Variants in CSMD1 observed in about 807,000 individuals in gnomAD.
The protein encoded by CSMD1 is CUB and Sushi multiple domains 1.
In CSMD1, 213 loss-of-function variants were observed where a neutral mutation model predicts 417.5. That is an observed-to-expected ratio of 0.51 (90% confidence interval 0.46 to 0.57). The LOEUF (loss-of-function observed/expected upper bound fraction) is 0.57, where lower values mean the gene tolerates loss of function less well. Ranked by LOEUF, CSMD1 falls within the 20% of genes least tolerant of loss-of-function variation. The pLI, the probability that CSMD1 is intolerant of heterozygous loss-of-function variation, is 0.00. For missense variants in CSMD1, 6,923 were observed against 4,529.7 expected (o/e 1.53, Z -15.17); for synonymous variants, 2,862 against 1,736.8 (o/e 1.65, Z -16.11).
At position 4,796,100 on chromosome 8, in the gene CSMD1, C is replaced by A. The variant is rs1797966375; in HGVS notation, c.86-158542G>T. 2.6e-5 allele frequency among the ~76,000 whole-genome samples: 4 copies of A among 152,192 alleles called. No homozygotes were observed. In the South Asian group the frequency reaches 8.3e-4, roughly 32 times the overall value. ...AAGACAAGTAAATGTTCTTATTCCA[C>A]AAGGAGTTTACTGTCTGTGGAGAGA... is the stretch of plus-strand genomic sequence containing the variant. On this transcript the variant is annotated intron_variant, in intron 1 of 69. Coordinates refer to ENST00000635120, the MANE Select transcript of CSMD1 (RefSeq NM_033225.6).
chr8:4,244,591 G>A (rs1279582911), intron 3 of CSMD1, among the ~76,000 whole-genome samples: 1 of 151,612 alleles, frequency 6.6e-6, no homozygotes, highest in African/African-American at 2.4e-5. Context: ...AACTATTGTA[G>A]ATCTGTCTCC....
Position 4,229,696 on chromosome 8 carries a change from C to G in CSMD1, c.415+190257G>C, listed in dbSNP as rs373655074. Among the ~76,000 whole-genome samples the G allele has an allele frequency of 7.9e-5, 12 of 152,292 alleles. 1 individual carries two copies. In the South Asian group the frequency reaches 2.5e-3, roughly 32 times the overall value. The stretch of plus-strand genomic sequence containing the variant: ...TCGTTCTCACCATCTGATGTACAGC[C>G]TCAGCCCCTTCCTCTTGCTTGACCC... On this transcript the variant is annotated intron_variant, in intron 3 of 69. Coordinates refer to ENST00000635120, the MANE Select transcript of CSMD1 (RefSeq NM_033225.6).
chr8:4,117,768 C>T (rs943536663), intron 3 of CSMD1, among the ~76,000 whole-genome samples: 1 of 152,064 alleles, frequency 6.6e-6, no homozygotes, highest in East Asian at 1.9e-4. Context: ...CAGAAACACA[C>T]CAGGCCCATT....
intron 5 of CSMD1, among the ~76,000 whole-genome samples, chr8:3,882,498 C>G (rs995179183): frequency 6.6e-6 from 1 of 152,002 alleles, no homozygotes; most frequent in African/African-American, 2.4e-5. Context: ...CTATTAGACT[C>G]TCTCTGCCTC....
intron 1 of CSMD1, among the ~76,000 whole-genome samples, chr8:4,756,223 C>T (rs1002719135): frequency 2.0e-5 from 3 of 152,072 alleles, no homozygotes; most frequent in African/African-American, 7.2e-5. Flanking sequence ...TAATATAGGG[C>T]ATCATGATGA....
At chr8:4,198,370 G>C (rs767993548) in intron 3 of CSMD1, among the ~76,000 whole-genome samples, 2 of 152,202 alleles carry the variant, frequency 1.3e-5, no homozygotes, top group East Asian at 3.9e-4. Flanking sequence ...CCTGAACTTT[G>C]TCCTACACTG....
intron 5 of CSMD1, among the ~76,000 whole-genome samples, chr8:3,855,788 G>C (rs972273376): frequency 1.3e-5 from 2 of 152,130 alleles, no homozygotes; most frequent in Non-Finnish European, 2.9e-5. Flanking sequence ...GTAAAGACAA[G>C]CTTTCTGTAG....
intron 1 of CSMD1, among the ~76,000 whole-genome samples, chr8:4,937,807 A>G (rs139122792): frequency 6.7e-6 from 1 of 148,736 alleles, no homozygotes; most frequent in Non-Finnish European, 1.5e-5. Context: ...CACACACACA[A>G]CTACAAAGTG....
At chr8:3,170,494 C>T (rs1820519798) in intron 37 of CSMD1, among the ~76,000 whole-genome samples, 2 of 152,222 alleles carry the variant, frequency 1.3e-5, no homozygotes, top group Admixed American at 1.3e-4. Flanking sequence ...AGGCGTGAGC[C>T]ACCGTGCCCG....
Position 4,971,701 on chromosome 8 carries a change from A to G in CSMD1, c.85+22631T>C, listed in dbSNP as rs539635271. Among the ~76,000 whole-genome samples, 31 of 151,550 alleles carry G rather than the reference A, an allele frequency of 2.0e-4. No individual in the cohort carries two copies. In the East Asian group the frequency reaches 5.4e-3, roughly 26 times the overall value. On this transcript the variant is annotated intron_variant, in intron 1 of 69. Transcript: ENST00000635120. ...GAACTATTCTGAAATATATATATAT[A>G]TATATAATTTGCTTCTATGATTACA...
At chr8:3,062,105 A>G (rs1354626673) in intron 49 of CSMD1, among the ~76,000 whole-genome samples, 1 of 152,210 alleles carries the variant, frequency 6.6e-6, no homozygotes, top group Non-Finnish European at 1.5e-5. Flanking sequence ...TGAAAATACA[A>G]AGGCCACATT....
intron 18 of CSMD1, among the ~76,000 whole-genome samples, chr8:3,370,831 C>T (rs1159312767): frequency 6.6e-6 from 1 of 152,066 alleles, no homozygotes; most frequent in Non-Finnish European, 1.5e-5. Context: ...AAATTATTAG[C>T]CAGGCATAGT....
Position 3,892,378 on chromosome 8 carries a change from T to G in CSMD1, c.818+105525A>C, listed in dbSNP as rs115969620. 1.7e-3 allele frequency among the ~76,000 whole-genome samples: 256 copies of G among 152,216 alleles called. 2 individuals carry two copies. The highest frequency in any genetic ancestry group is 5.8e-3 in the African/African-American group (240 of 41,544). ...TGGGGAACGTATTATGCTTTCTATGTGTTATCCTTTACCTACACAGATCAT... is the reference window on the plus strand; with the variant it reads ...TGGGGAACGTATTATGCTTTCTATGGGTTATCCTTTACCTACACAGATCAT... On this transcript the variant is annotated intron_variant, in intron 5 of 69. Coordinates refer to ENST00000635120, the MANE Select transcript of CSMD1 (RefSeq NM_033225.6).
At chr8:3,452,787 TTG>T (rs1272142944) in intron 12 of CSMD1, among the ~76,000 whole-genome samples, 1 of 152,170 alleles carries the variant, frequency 6.6e-6, no homozygotes, top group African/African-American at 2.4e-5. Context: ...TCTTTTTTTG[TTG>T]TGTCTCTGCC....
At chr8:3,444,322 G>C (rs1203089266) in intron 12 of CSMD1, among the ~76,000 whole-genome samples, 1 of 152,132 alleles carries the variant, frequency 6.6e-6, no homozygotes, top group Non-Finnish European at 1.5e-5. Context: ...CAGGAGTCAA[G>C]AACACACTAA....
intron 5 of CSMD1, among the ~76,000 whole-genome samples, chr8:3,977,898 C>T (rs1377500304): frequency 6.6e-6 from 1 of 152,188 alleles, no homozygotes; most frequent in African/African-American, 2.4e-5. Flanking sequence ...AGAATGGTAA[C>T]TGACCTCCAA....
chr8:3,310,260 A>G (rs1402464261), intron 23 of CSMD1, among the ~76,000 whole-genome samples: 4 of 152,242 alleles, frequency 2.6e-5, no homozygotes, highest in Non-Finnish European at 5.9e-5. Flanking sequence ...TCATTATTAC[A>G]GATTATTCAG....
intron 1 of CSMD1, among the ~76,000 whole-genome samples, chr8:4,823,884 T>A (rs1175401753): frequency 6.6e-6 from 1 of 151,878 alleles, no homozygotes; most frequent in African/African-American, 2.4e-5. Flanking sequence ...TATTGAACTT[T>A]GAGAGAGAAA....
chr8:3,982,160 A>AAATAAT (rs534030179), intron 5 of CSMD1, among the ~76,000 whole-genome samples: 25 of 89,516 alleles, frequency 2.8e-4, no homozygotes, highest in Admixed American at 1.7e-3. Flanking sequence ...TCTATCTCAA[A>AAATAAT]AATAATAATA....
Sources: gnomAD v4.1 joint callset for allele counts (sites outside exome capture counted in the v4.1 genomes callset) on GRCh38, gnomAD v4.1.1 for gene constraint, MANE v1.5 for transcripts, NCBI Gene and HGNC (gene_info 2026-07-23, HGNC 2026-07-21) for gene names.